Variants in CES5A observed in about 807,000 individuals in gnomAD.
CES5A encodes the protein carboxylesterase 5.
In CES5A, 67 loss-of-function variants were observed where a neutral mutation model predicts 62.9. The ratio of observed to expected loss-of-function variants is 1.07; its 90% CI spans 0.88 to 1.31. The LOEUF (loss-of-function observed/expected upper bound fraction) is 1.31, where lower values mean the gene tolerates loss of function less well. Among genes scored for constraint, CES5A ranks in the 50% most tolerant of loss-of-function variants. The pLI is 0.00. For missense variants in CES5A, 748 were observed against 708.5 expected, an observed-to-expected ratio of 1.06 and a Z score of -0.63; for synonymous variants, 296 against 280.8, an observed-to-expected ratio of 1.05 and a Z score of -0.54.
chr16:55,917,986 C>G (rs1567353855), intron 1 of CES5A, among the ~76,000 whole-genome samples: 1 of 152,218 alleles, frequency 6.6e-6, no homozygotes, highest in East Asian at 1.9e-4. Flanking sequence ...TTGCATGGTT[C>G]TGGGAGAGAA....
rs140338301 is a variant in CES5A at position 55,907,551 on chromosome 16, T to C, written c.-256+17772A>G. Among the ~76,000 whole-genome samples, 502 of 152,340 alleles carry C rather than the reference T, an allele frequency of 3.3e-3. 4 individuals are homozygous for C. The highest frequency in any genetic ancestry group is 0.011 in the African/African-American group (459 of 41,588). On this transcript the variant is annotated intron_variant, in intron 1 of 12. Transcript: ENST00000518005. ...GTGGTTGAGGAGACAAAGTTAATGC[T>C]AAGAAACAGAAATGTCTCAAAAAAG...
intron 1 of CES5A, among the ~76,000 whole-genome samples, chr16:55,894,084 AAAAT>A (rs1238630959): frequency 6.6e-6 from 1 of 152,206 alleles, no homozygotes; most frequent in East Asian, 1.9e-4. Context: ...TGATGAAAGA[AAAAT>A]AAGTGTTTTT....
At chr16:55,937,649 G>A (rs531575953) in intron 2 of CES5A, among the ~76,000 whole-genome samples, 1 of 152,362 alleles carries the variant, frequency 6.6e-6, no homozygotes, top group East Asian at 1.9e-4. Context: ...CCTGCAAAGA[G>A]GCACTTCTGG....
chr16:55,948,762 C>T (rs2034523994), intron 2 of CES5A, among the ~76,000 whole-genome samples: 1 of 152,022 alleles, frequency 6.6e-6, no homozygotes, highest in African/African-American at 2.4e-5. Context: ...GTTGGCATTC[C>T]AGGTGGTGAG....
At position 55,875,174 on chromosome 16, in the gene CES5A, G is replaced by A; in HGVS notation, c.48C>T (p.Ile16=). The change falls in exon 1 of 13, where the codon ATC becomes ATT. Residue 16 remains isoleucine, a synonymous_variant. Transcript: ENST00000290567. ...VHPGQILIWA[I]WVLAAPTKGP... ...CTTTGGTGGGGGCTGCAAGGACCCA[G>A]ATAGCCCAAATTAGGATCTGGCCTG... 1.9e-6 allele frequency: 3 copies of A among 1,614,132 alleles called. No individual in the cohort carries two copies. The highest frequency in any genetic ancestry group is 2.5e-6 in the Non-Finnish European group (3 of 1,179,994).
chr16:55,847,940 C>T (rs2033048879), intron 11 of CES5A, among the ~76,000 whole-genome samples: 1 of 152,046 alleles, frequency 6.6e-6, no homozygotes, highest in South Asian at 2.1e-4. Flanking sequence ...GATGGGGTCT[C>T]ACTCTGTCAC....
upstream of CES5A, among the ~76,000 whole-genome samples, chr16:55,880,345 A>T (rs1307927110): frequency 6.6e-6 from 1 of 152,146 alleles, no homozygotes; most frequent in Non-Finnish European, 1.5e-5. Flanking sequence ...CCTCAACAGA[A>T]GGGTCATGAG....
intron 1 of CES5A, among the ~76,000 whole-genome samples, chr16:55,909,472 T>G (rs368877069): frequency 7.3e-5 from 11 of 151,668 alleles, no homozygotes; most frequent in African/African-American, 2.7e-4. Context: ...TACATTGGGG[T>G]AGAACACAGA....
At chr16:55,854,531 C>CTTTCTGTTTTCTTTCTTTTTTTTTTTT (rs1555479325) in intron 9 of CES5A, among the ~76,000 whole-genome samples, 19 of 52,126 alleles carry the variant, frequency 3.6e-4, no homozygotes, top group Non-Finnish European at 4.6e-4. Flanking sequence ...TGTAGTGTTT[C>CTTTCTGTTTTCTTTCTTTTTTTTTTTT]TTTTTTTTTT....
At chr16:55,936,698 A>G (rs2034379371) in intron 2 of CES5A, among the ~76,000 whole-genome samples, 1 of 152,230 alleles carries the variant, frequency 6.6e-6, no homozygotes, top group African/African-American at 2.4e-5. Context: ...GAGAGTAGAC[A>G]TTAGGCTGCT....
At chr16:55,947,975 AT>A (rs1421601302) in intron 2 of CES5A, among the ~76,000 whole-genome samples, 1 of 152,072 alleles carries the variant, frequency 6.6e-6, no homozygotes, top group Non-Finnish European at 1.5e-5. Flanking sequence ...GTTTTAAAAG[AT>A]CCTTTTCACT....
chr16:55,905,116 A>C (rs7404145), intron 1 of CES5A, among the ~76,000 whole-genome samples: 32,825 of 152,140 alleles, frequency 0.22, 4,706 homozygotes, highest in Non-Finnish European at 0.32. Context: ...CAGGTTGCTA[A>C]ATGTGCCAGC....
At chr16:55,865,151 A>T (rs1425604628) in intron 5 of CES5A, among the ~76,000 whole-genome samples, 1 of 152,218 alleles carries the variant, frequency 6.6e-6, no homozygotes, top group Non-Finnish European at 1.5e-5. Flanking sequence ...GGTTCTGGTG[A>T]GCCTAGATTG....
intron 8 of CES5A, among the ~76,000 whole-genome samples, 198 bp from the exon 9 acceptor site, chr16:55,856,643 T>A (rs2033250364): frequency 6.6e-6 from 1 of 152,232 alleles, no homozygotes; most frequent in Admixed American, 6.5e-5. Context: ...AGGCAGCTGT[T>A]CCTTGTCATT....
chr16:55,941,845 C>T (rs189519482), intron 2 of CES5A, among the ~76,000 whole-genome samples: 8 of 152,180 alleles, frequency 5.3e-5, no homozygotes, highest in Admixed American at 3.9e-4. Context: ...GCTGCACAAA[C>T]CTATACCTGA....
chr16:55,921,988 T>C (rs1388766013), intron 1 of CES5A, among the ~76,000 whole-genome samples: 2 of 151,988 alleles, frequency 1.3e-5, no homozygotes, highest in Non-Finnish European at 2.9e-5. Flanking sequence ...GTTATATCTA[T>C]AAGATATTTT....
At chr16:55,886,164 T>C (rs1162607772) in intron 1 of CES5A, among the ~76,000 whole-genome samples, 2 of 152,156 alleles carry the variant, frequency 1.3e-5, no homozygotes, top group East Asian at 1.9e-4. Context: ...CCTCAAAAGA[T>C]AGTGATGAGA....
intron 1 of CES5A, 46 bp from the exon 2 acceptor site, chr16:55,874,083 A>G: frequency 5.9e-6 from 9 of 1,528,802 alleles, no homozygotes; most frequent in Non-Finnish European, 8.0e-6. Flanking sequence ...GGGGACAGGC[A>G]GGGCAATGGC....
chr16:55,854,539 T>TTTC (rs1483143074), intron 9 of CES5A, among the ~76,000 whole-genome samples: 2 of 82,284 alleles, frequency 2.4e-5, no homozygotes, highest in South Asian at 4.9e-4. Context: ...TTCTTTTTTT[T>TTTC]TTTTCTTTTT....
Sources: gnomAD v4.1 joint callset for allele counts (sites outside exome capture counted in the v4.1 genomes callset) on GRCh38, gnomAD v4.1.1 for gene constraint, MANE v1.5 for transcripts, NCBI Gene and HGNC (gene_info 2026-07-23, HGNC 2026-07-21) for gene names.